Variants in PPP1R21 observed in about 807,000 individuals in gnomAD.
The protein encoded by PPP1R21 is protein phosphatase 1 regulatory subunit 21.
In PPP1R21, 85 loss-of-function variants were observed where a neutral mutation model predicts 112.8. The observed-to-expected ratio is 0.75, with a 90% CI of 0.63 to 0.90. The LOEUF (loss-of-function observed/expected upper bound fraction) is 0.90. PPP1R21 is among the 40% of genes least tolerant of loss of function. PPP1R21 has a pLI of 0.00. For synonymous variants in PPP1R21, 381 were observed against 322.3 expected, an observed-to-expected ratio of 1.18 and a Z score of -1.95; for missense variants, 1,199 against 901.5, an observed-to-expected ratio of 1.33 and a Z score of -4.23.
Position 48,510,038 on chromosome 2 carries a change from G to A in PPP1R21, c.2109G>A (p.Leu703=), listed in dbSNP as rs1265599263. ...YAECRALSKR[L]ALAEKSKEAL... ...AGTGCCGAGCACTGTCTAAAAGACT[G>A]GCCTTGGCTGAAAAGTCTAAGGAAG... Residue 703 remains leucine (L), a synonymous_variant, in exon 20 of 22, where the codon CTG becomes CTA. Transcript: ENST00000294952. 3 of 1,613,814 alleles carry A rather than the reference G, an allele frequency of 1.9e-6. No individual in the cohort carries two copies. Among genetic ancestry groups the A allele is most frequent in the Non-Finnish European group, 2.5e-6 (3 of 1,179,734 alleles).
intron 2 of PPP1R21, among the ~76,000 whole-genome samples, chr2:48,453,010 G>A (rs1377811993): frequency 6.7e-6 from 1 of 150,208 alleles, no homozygotes; most frequent in Non-Finnish European, 1.5e-5. Flanking sequence ...CTGGAGTGCA[G>A]TGGCACAATC....
At chr2:48,468,825 A>ATG (rs757951323) in intron 9 of PPP1R21, among the ~76,000 whole-genome samples, 80 of 43,950 alleles carry the variant, frequency 1.8e-3, no homozygotes, top group African/African-American at 5.5e-3. Flanking sequence ...AAGAAAAAAA[A>ATG]TGTATGTGTG....
intron 14 of PPP1R21, 129 bp from the exon 15 acceptor site, chr2:48,490,889 G>T: frequency 1.4e-6 from 1 of 715,946 alleles, no homozygotes; most frequent in Non-Finnish European, 2.3e-6. Context: ...GGACTTTGGG[G>T]CAGGTGTTGA....
intron 6 of PPP1R21, 38 bp from the exon 7 acceptor site, chr2:48,461,100 G>A: frequency 6.4e-7 from 1 of 1,556,654 alleles, no homozygotes; most frequent in Non-Finnish European, 8.6e-7. Context: ...CTCAGTGATT[G>A]GTGATAATGT....
At chr2:48,509,952 C>A in intron 19 of PPP1R21, 63 bp from the exon 20 acceptor site, 1 of 1,247,160 alleles carries the variant, frequency 8.0e-7, no homozygotes, top group Non-Finnish European at 1.1e-6. Flanking sequence ...ACAAACTTTC[C>A]CGAAGCAAAT....
chr2:48,460,179 G>C (rs755614675), intron 6 of PPP1R21, 26 bp downstream of exon 6: 29 of 1,612,008 alleles, frequency 1.8e-5, no homozygotes, highest in Non-Finnish European at 2.4e-5. Flanking sequence ...AATTCCAAGA[G>C]GGTTCTGAAG....
intron 2 of PPP1R21, among the ~76,000 whole-genome samples, chr2:48,453,098 C>T (rs998927604): frequency 3.3e-5 from 5 of 151,956 alleles, no homozygotes; most frequent in African/African-American, 1.2e-4. Flanking sequence ...GGATCACAGG[C>T]GTGCACCACC....
At chr2:48,492,352 T>G (rs910409466) in intron 15 of PPP1R21, among the ~76,000 whole-genome samples, 4 of 152,312 alleles carry the variant, frequency 2.6e-5, no homozygotes, top group East Asian at 3.9e-4. Flanking sequence ...TCTTTTCTTG[T>G]CCTTTTTTCT....
chr2:48,468,245 C>T (rs185699159), intron 9 of PPP1R21, among the ~76,000 whole-genome samples: 97 of 152,266 alleles, frequency 6.4e-4, no homozygotes, highest in Non-Finnish European at 9.7e-4. Context: ...AAAAACAGTG[C>T]GTGGCATGTA....
intron 1 of PPP1R21, among the ~76,000 whole-genome samples, chr2:48,449,842 A>G (rs1342073508): frequency 6.6e-6 from 1 of 151,692 alleles, no homozygotes; most frequent in East Asian, 1.9e-4. Flanking sequence ...CTTTCATGAT[A>G]TCTGCACTGA....
At chr2:48,456,183 G>A (rs1343228096) in intron 3 of PPP1R21, among the ~76,000 whole-genome samples, 1 of 151,832 alleles carries the variant, frequency 6.6e-6, no homozygotes, top group Non-Finnish European at 1.5e-5. Context: ...ATATGGTGAG[G>A]TGGGATTCTT....
rs1052377640 is a variant in PPP1R21, at chr2:48,511,349, A to C, written c.2194A>C (p.Thr732Pro). The C allele has an allele frequency of 6.2e-7, 1 of 1,613,036 alleles. No individual in the cohort carries two copies. Among genetic ancestry groups the C allele is most frequent in the Non-Finnish European group, 8.5e-7 (1 of 1,179,800 alleles). The change falls in exon 21 of 22, where the codon ACA becomes CCA. Residue 732 changes from threonine to proline, a missense_variant. Thr to Pro is a conservative substitution (Grantham distance 38). Transcript: ENST00000294952. Reference protein sequence around the residue: ...QNISRLQDELTTTKRSYEDQL... With the variant: ...QNISRLQDELPTTKRSYEDQL... ...TTTCTTTGCTATTTAGGATGAGCTG[A>C]CAACTACCAAGAGGAGTTACGAGGA...
intron 9 of PPP1R21, among the ~76,000 whole-genome samples, chr2:48,468,877 G>GTA (rs1668327917): frequency 6.8e-6 from 1 of 146,526 alleles, no homozygotes; most frequent in African/African-American, 2.5e-5. Flanking sequence ...ATGTATGTGT[G>GTA]TATATATATG....
intron 18 of PPP1R21, 115 bp from the exon 19 acceptor site, chr2:48,507,154 C>A: frequency 7.4e-7 from 1 of 1,351,682 alleles, no homozygotes; most frequent in East Asian, 3.0e-5. Flanking sequence ...AACAGTGATT[C>A]CCCATCAAAG....
Position 48,440,872 on chromosome 2 carries a change from T to G in PPP1R21, c.-82T>G, listed in dbSNP as rs1666987435. 4 of 886,492 alleles carry G rather than the reference T, an allele frequency of 4.5e-6. No homozygotes were observed. In the South Asian group the frequency reaches 5.7e-5, roughly 13 times the overall value. The allele number at this position is 886,492 out of a possible 1,614,324, so 54.9% of individuals were successfully genotyped here. A position where few individuals can be genotyped will look rare whatever the true frequency, so the allele number is the denominator to read the frequency against. ...AGCAGGCAGATACTGCCTGACCCGTTCCCGGGAGCGTGTCTGGGTTTGGGG... is the reference window on the plus strand; with the variant it reads ...AGCAGGCAGATACTGCCTGACCCGTGCCCGGGAGCGTGTCTGGGTTTGGGG... On this transcript the variant is annotated 5_prime_UTR_variant, in exon 1 of 22. Coordinates refer to ENST00000294952, the MANE Select transcript of PPP1R21 (RefSeq NM_001135629.3).
chr2:48,455,038 A>G (rs1479237805), intron 3 of PPP1R21, among the ~76,000 whole-genome samples: 2 of 150,894 alleles, frequency 1.3e-5, no homozygotes, highest in African/African-American at 2.4e-5. Flanking sequence ...GGGTCTCACT[A>G]TGTTGCCCAG....
chr2:48,453,641 A>G (rs1005959758), intron 2 of PPP1R21, among the ~76,000 whole-genome samples: 2 of 152,242 alleles, frequency 1.3e-5, no homozygotes, highest in African/African-American at 2.4e-5. Flanking sequence ...TTCCATTTTC[A>G]TACCCCATTA....
At chr2:48,454,455 T>G in intron 2 of PPP1R21, 140 bp from the exon 3 acceptor site, 1 of 944,048 alleles carries the variant, frequency 1.1e-6, no homozygotes, top group Non-Finnish European at 1.6e-6. Context: ...ACTTAAGAAC[T>G]GAAGTGATAC....
At chr2:48,466,487 A>G (rs978670609) in intron 9 of PPP1R21, among the ~76,000 whole-genome samples, 17 of 151,940 alleles carry the variant, frequency 1.1e-4, no homozygotes, top group Non-Finnish European at 5.9e-5. Flanking sequence ...TCAGCCTCCC[A>G]AAGTGCTGGG....
Sources: allele counts gnomAD v4.1 joint callset (sites outside exome capture counted in the v4.1 genomes callset), GRCh38; gene constraint gnomAD v4.1.1; transcripts MANE v1.5; gene names NCBI Gene and HGNC (gene_info 2026-07-23, HGNC 2026-07-21).